The following XKR9 variants were observed in gnomAD, a reference collection of about 807,000 sequenced individuals.
The protein encoded by XKR9 is XK-related protein 9.
Under a neutral mutation model 32.0 loss-of-function variants are expected in XKR9, and 32 were observed. That is an observed-to-expected ratio of 1.00 (90% CI 0.76 to 1.34). The LOEUF is 1.34. Ranked by LOEUF, XKR9 falls within the 40% of genes most tolerant of loss-of-function variation. The pLI is 0.00. For missense variants in XKR9, 546 were observed against 429.7 expected, an observed-to-expected ratio of 1.27 and a Z score of -2.39; for synonymous variants, 168 against 143.4, an observed-to-expected ratio of 1.17 and a Z score of -1.22.
At chr8:70,744,598 T>G (rs1221530264) in intron 2 of XKR9, among the ~76,000 whole-genome samples, 2 of 152,200 alleles carry the variant, frequency 1.3e-5, no homozygotes, top group Non-Finnish European at 2.9e-5. Flanking sequence ...TGCTAAGTTA[T>G]GCATTATTTA....
At chr8:70,741,129 G>T (rs900806200) in intron 2 of XKR9, among the ~76,000 whole-genome samples, 1 of 152,246 alleles carries the variant, frequency 6.6e-6, no homozygotes, top group African/African-American at 2.4e-5. Context: ...CACCCAGTTC[G>T]AGCATCTGGG....
chr8:70,901,671 C>A, the XKR9 span, among the ~76,000 whole-genome samples: 1 of 152,166 alleles, frequency 6.6e-6, no homozygotes, highest in Admixed American at 6.6e-5. Flanking sequence ...TTAATTAGAT[C>A]CAATTTGTCA....
At position 70,785,560 on chromosome 8, in the gene XKR9, TTTC is replaced by T. The variant is rs1807673630; in HGVS notation, n.353-3773_353-3771del. 4.7e-5 allele frequency among the ~76,000 whole-genome samples: 6 copies of T among 127,390 alleles called. No homozygotes were observed. In the South Asian group the frequency reaches 1.1e-3, roughly 23 times the overall value. The allele number at this position is 127,390 out of a possible 152,430, so 83.6% of individuals were successfully genotyped here. Reference sequence around the variant, plus strand: ...TTCCTTCTGCTTGCTTTGGGTTTAGTTTCTTCTTTTTTTATAGCTCTTTGAGGT... The same window carrying T: ...TTCCTTCTGCTTGCTTTGGGTTTAGTTTCTTTTTTTATAGCTCTTTGAGGT... On this transcript the variant is annotated intron_variant and non_coding_transcript_variant, in intron 2 of 3. Transcript: ENST00000520273.
the XKR9 span, among the ~76,000 whole-genome samples, chr8:71,050,251 A>C: frequency 7.0e-5 from 9 of 127,842 alleles, no homozygotes; most frequent in African/African-American, 1.7e-4. Context: ...ATATATATAT[A>C]TATATATATA....
the XKR9 span, among the ~76,000 whole-genome samples, chr8:70,972,363 G>T: frequency 6.6e-6 from 1 of 152,108 alleles, no homozygotes. Context: ...GGAGCTATTT[G>T]CTTGTGTCTT....
At chr8:71,057,170 C>G in the XKR9 span, among the ~76,000 whole-genome samples, 1 of 152,150 alleles carries the variant, frequency 6.6e-6, no homozygotes, top group South Asian at 2.1e-4. Context: ...TGTGGGAAAA[C>G]TTCACACAAC....
the XKR9 span, among the ~76,000 whole-genome samples, chr8:70,860,001 C>T: frequency 6.6e-6 from 1 of 152,038 alleles, no homozygotes; most frequent in South Asian, 2.1e-4. Flanking sequence ...GAAATGTTCC[C>T]AACACATAGA....
the XKR9 span, among the ~76,000 whole-genome samples, chr8:70,824,887 C>A: frequency 2.0e-5 from 3 of 151,882 alleles, no homozygotes; most frequent in South Asian, 2.1e-4. Flanking sequence ...TACAAGAACT[C>A]ATTAGGGCAA....
chr8:70,908,141 A>G, the XKR9 span, among the ~76,000 whole-genome samples: 1 of 152,196 alleles, frequency 6.6e-6, no homozygotes, highest in African/African-American at 2.4e-5. Flanking sequence ...CTGTATTCCA[A>G]GTGTCTTGGA....
At chr8:70,998,251 G>A in the XKR9 span, among the ~76,000 whole-genome samples, 18 of 152,272 alleles carry the variant, frequency 1.2e-4, no homozygotes, top group African/African-American at 4.3e-4. Flanking sequence ...AATTGAACAT[G>A]CACTCTCTAA....
chr8:70,924,789 T>A, the XKR9 span, among the ~76,000 whole-genome samples: 1 of 152,236 alleles, frequency 6.6e-6, no homozygotes, highest in African/African-American at 2.4e-5. Context: ...TATCTCATTG[T>A]TAAAAGTTAC....
At chr8:70,859,216 A>C in the XKR9 span, among the ~76,000 whole-genome samples, 1 of 152,170 alleles carries the variant, frequency 6.6e-6, no homozygotes, top group African/African-American at 2.4e-5. Flanking sequence ...TTCTCAAAAA[A>C]AGACATAAAA....
At chr8:70,923,538 G>A in the XKR9 span, among the ~76,000 whole-genome samples, 1 of 152,328 alleles carries the variant, frequency 6.6e-6, no homozygotes, top group Non-Finnish European at 1.5e-5. Context: ...CCCTTCCCAG[G>A]TTCTGAGAGT....
chr8:70,697,851 A>G (rs1279880415), intron 3 of XKR9, among the ~76,000 whole-genome samples: 2 of 151,988 alleles, frequency 1.3e-5, no homozygotes, highest in African/African-American at 2.4e-5. Flanking sequence ...GATTATTGCC[A>G]CAATTTCAGC....
chr8:70,700,114 G>T (rs911205579), intron 3 of XKR9, among the ~76,000 whole-genome samples: 2 of 152,024 alleles, frequency 1.3e-5, no homozygotes, highest in African/African-American at 4.8e-5. Context: ...TAACTTCTTT[G>T]CCTTTGGTTT....
chr8:70,955,696 G>A, the XKR9 span, among the ~76,000 whole-genome samples: 2 of 152,178 alleles, frequency 1.3e-5, no homozygotes, highest in Admixed American at 1.3e-4. Context: ...CAGCCTGGCA[G>A]GCTGTGCTTG....
intron 2 of XKR9, among the ~76,000 whole-genome samples, chr8:70,782,055 G>A (rs1332272270): frequency 6.6e-6 from 1 of 152,192 alleles, no homozygotes; most frequent in Non-Finnish European, 1.5e-5. Flanking sequence ...CCTGAGTAAA[G>A]TCTTTCTTTA....
chr8:70,707,590 C>G (rs186229525), intron 4 of XKR9, among the ~76,000 whole-genome samples: 1 of 140,938 alleles, frequency 7.1e-6, no homozygotes, highest in East Asian at 1.9e-4. Flanking sequence ...AACAAACTCC[C>G]TATTTATGTT....
chr8:71,045,747 T>C, the XKR9 span, among the ~76,000 whole-genome samples: 3 of 152,146 alleles, frequency 2.0e-5, no homozygotes, highest in Admixed American at 6.5e-5. Context: ...AGGGGTGACA[T>C]GATGAACGCT....
Sources: allele counts gnomAD v4.1 joint callset (sites outside exome capture counted in the v4.1 genomes callset), GRCh38; gene constraint gnomAD v4.1.1; transcripts MANE v1.5; gene names NCBI Gene and HGNC (gene_info 2026-07-23, HGNC 2026-07-21).